The following MIER1 variants were observed in gnomAD, a reference collection of about 807,000 sequenced individuals.
The protein encoded by MIER1 is MIER1 transcriptional regulator, also known as mesoderm induction early response protein 1.
In MIER1, 40 loss-of-function variants were observed where a neutral mutation model predicts 75.7. The ratio of observed to expected loss-of-function variants is 0.53; its 90% confidence interval spans 0.41 to 0.69. MIER1 has a LOEUF of 0.69. MIER1 is among the 30% of genes least tolerant of loss of function. The pLI, the probability that MIER1 is intolerant of heterozygous loss-of-function variation, is 0.00. For missense variants in MIER1, 574 were observed against 680.2 expected (o/e 0.84, Z 1.74); for synonymous variants, 213 against 223.4 (o/e 0.95, Z 0.42).
chr1:66,946,910 A>T, intron 4 of MIER1: 3 of 985,070 alleles, frequency 3.0e-6, no homozygotes, highest in Non-Finnish European at 3.6e-6. Flanking sequence ...TTTTGTTTCT[A>T]TTCAGTATCT....
chr1:66,954,951 T>C (rs1659786984), intron 4 of MIER1, among the ~76,000 whole-genome samples: 1 of 152,122 alleles, frequency 6.6e-6, no homozygotes, highest in Non-Finnish European at 1.5e-5. Flanking sequence ...TCAAGTGTTC[T>C]GCCAGCCTCA....
intron 4 of MIER1, among the ~76,000 whole-genome samples, chr1:66,951,517 A>G (rs889393507): frequency 8.6e-5 from 13 of 151,846 alleles, no homozygotes; most frequent in African/African-American, 3.1e-4. Context: ...CTTTTGTTAC[A>G]GTGTAAGACA....
At chr1:66,941,671 T>G (rs759733557) in intron 3 of MIER1, among the ~76,000 whole-genome samples, 6 of 152,188 alleles carry the variant, frequency 3.9e-5, no homozygotes, top group Admixed American at 1.3e-4. Context: ...ATAATGGAGT[T>G]TGAAGAATAC....
chr1:66,974,020 T>C (rs1386983314), intron 11 of MIER1, among the ~76,000 whole-genome samples: 1 of 152,134 alleles, frequency 6.6e-6, no homozygotes, highest in Non-Finnish European at 1.5e-5. Context: ...TTTTTTGTTA[T>C]TAATAAAATA....
chr1:66,930,305 G>A (rs1282219768), intron 2 of MIER1: 2 of 1,574,038 alleles, frequency 1.3e-6, no homozygotes, highest in African/African-American at 1.4e-5. Flanking sequence ...GCAGCGGCCG[G>A]AGTCCCGTTG....
intron 5 of MIER1, among the ~76,000 whole-genome samples, chr1:66,958,551 A>C (rs1660627760): frequency 6.6e-6 from 1 of 152,078 alleles, no homozygotes; most frequent in Non-Finnish European, 1.5e-5. Context: ...ATTTTGAAAT[A>C]ATTTTAGATT....
intron 12 of MIER1, among the ~76,000 whole-genome samples, chr1:66,979,483 G>T (rs934422955): frequency 6.6e-6 from 1 of 152,084 alleles, no homozygotes; most frequent in Non-Finnish European, 1.5e-5. Flanking sequence ...TTTACTACCT[G>T]GAAGAATTGG....
At position 66,946,875 on chromosome 1, in the gene MIER1, C is replaced by T. The variant is rs975156462; in HGVS notation, c.339+580C>T. ...CTTCTTTTACTTGAATTCTGGAGTA[C>T]ACCACTGTCTGGTTTTCTTTATCTT... On this transcript the variant is annotated intron_variant, in intron 4 of 13. Coordinates refer to ENST00000401041, the MANE Select transcript of MIER1 (RefSeq NM_001077700.3). 3 of 984,998 alleles carry T rather than the reference C, an allele frequency of 3.0e-6. No homozygotes were observed. The African/African-American group carries it at 5.2e-5, about 17-fold the overall frequency. The allele number at this position is 984,998 out of a possible 1,614,324, so 61.0% of individuals were successfully genotyped here.
intron 7 of MIER1, among the ~76,000 whole-genome samples, chr1:66,961,962 T>A (rs1242038098): frequency 1.3e-5 from 2 of 152,186 alleles, no homozygotes; most frequent in Middle Eastern, 6.3e-3. Context: ...TAAAATGAGC[T>A]CCTCACATCA....
At position 66,986,418 on chromosome 1, in the gene MIER1, T is replaced by G. The variant is rs1366646278; in HGVS notation, c.*1518T>G. ...TCTCACACAGGCATACTCCAAATGC[T>G]TCTTCCAGTTCATTTTTCAGCCATC... On this transcript the variant is annotated 3_prime_UTR_variant, in exon 14 of 14. Coordinates refer to ENST00000401041, the MANE Select transcript of MIER1 (RefSeq NM_001077700.3). The G allele has an allele frequency of 6.2e-7, 1 of 1,613,362 alleles. No homozygotes were observed. The highest frequency in any genetic ancestry group is 8.5e-7 in the Non-Finnish European group (1 of 1,179,480).
At position 66,976,338 on chromosome 1, in the gene MIER1, C is replaced by A. The variant is rs1326194302; in HGVS notation, c.1102-257C>A. Among the ~76,000 whole-genome samples the A allele has an allele frequency of 2.0e-5, 3 of 152,148 alleles. No homozygotes were observed. In the East Asian group the frequency reaches 5.8e-4, roughly 29 times the overall value. On this transcript the variant is annotated intron_variant, in intron 11 of 13. Transcript: ENST00000401041. The stretch of plus-strand genomic sequence containing the variant: ...ATTTTTAATACAGGAATATATTTTT[C>A]TAGTAAATTAGGATGATGGTAGCAT...
At chr1:66,960,966 G>A (rs1238216428) in intron 7 of MIER1, among the ~76,000 whole-genome samples, 1 of 151,804 alleles carries the variant, frequency 6.6e-6, no homozygotes, top group Non-Finnish European at 1.5e-5. Flanking sequence ...AATCTGGAGT[G>A]TTCAGTAGAG....
chr1:66,957,963 C>T, intron 4 of MIER1, 96 bp from the exon 5 acceptor site: 1 of 631,866 alleles, frequency 1.6e-6, no homozygotes. Flanking sequence ...TTTTATTCTT[C>T]ACTATAGAAT....
At chr1:66,982,160 T>G (rs1666024642) in intron 13 of MIER1, among the ~76,000 whole-genome samples, 1 of 152,154 alleles carries the variant, frequency 6.6e-6, no homozygotes, top group Non-Finnish European at 1.5e-5. Context: ...TGTAAGAAAT[T>G]TGTTCTTTTT....
intron 2 of MIER1, among the ~76,000 whole-genome samples, chr1:66,934,318 G>A (rs980077940): frequency 6.6e-6 from 1 of 151,958 alleles, no homozygotes; most frequent in Admixed American, 6.5e-5. Flanking sequence ...GTCCTAGGTC[G>A]TGCAATTCAT....
At chr1:66,951,164 G>T (rs574284273) in intron 4 of MIER1, among the ~76,000 whole-genome samples, 1 of 152,290 alleles carries the variant, frequency 6.6e-6, no homozygotes, top group East Asian at 1.9e-4. Flanking sequence ...GACTTAACTT[G>T]AGATATAGTA....
chr1:66,945,100 A>G (rs1657180669), intron 3 of MIER1, among the ~76,000 whole-genome samples: 2 of 152,108 alleles, frequency 1.3e-5, no homozygotes, highest in African/African-American at 4.8e-5. Context: ...TAGACTGTGT[A>G]TTCAGATGAC....
intron 2 of MIER1, among the ~76,000 whole-genome samples, chr1:66,937,211 C>T (rs1185068715): frequency 6.6e-6 from 1 of 152,000 alleles, no homozygotes. Context: ...CTTGGGTTTA[C>T]TAATTTATAA....
rs146368308 is a variant in MIER1, at chr1:66,948,067, G to A, written c.339+1772G>A. 8.2e-4 allele frequency: 792 copies of A among 961,996 alleles called. 5 individuals carry two copies. The African/African-American group carries it at 0.013, about 15-fold the overall frequency. The allele number at this position is 961,996 out of a possible 1,614,324, so 59.6% of individuals were successfully genotyped here. A position where few individuals can be genotyped will look rare whatever the true frequency, so the allele number is the denominator to read the frequency against. ...TTTCTTTAGTGTTAGGACACAATTT[G>A]TAATTGTTTGTTTAATTTATTGTCT... On this transcript the variant is annotated intron_variant, in intron 4 of 13. Coordinates refer to ENST00000401041, the MANE Select transcript of MIER1 (RefSeq NM_001077700.3).
Sources: gnomAD v4.1 joint callset for allele counts (sites outside exome capture counted in the v4.1 genomes callset) on GRCh38, gnomAD v4.1.1 for gene constraint, MANE v1.5 for transcripts, NCBI Gene and HGNC (gene_info 2026-07-23, HGNC 2026-07-21) for gene names.